The following CUL5 variants were observed in gnomAD, a reference collection of about 807,000 sequenced individuals.
The protein encoded by CUL5 is cullin 5, also known as cullin-5.
Under a neutral mutation model 108.8 loss-of-function variants are expected in CUL5, and 26 were observed. The observed-to-expected ratio is 0.24, with a 90% CI of 0.18 to 0.33. The LOEUF is 0.33. Ranked by LOEUF, CUL5 falls within the 10% of genes least tolerant of loss-of-function variation. The pLI is 1.00. For synonymous variants in CUL5, 334 were observed against 298.0 expected (o/e 1.12, Z -1.25); for missense variants, 524 against 909.2 (o/e 0.58, Z 5.45).
Position 108,098,539 on chromosome 11 carries a change from G to C in CUL5, c.2148+10G>C. ...AATACTAAGAACCCAGGTTTGTAAT[G>C]TTGACAGAATGTCTGAAGTTTAAAA... On this transcript the variant is annotated intron_variant, in intron 18 of 18. Coordinates refer to ENST00000393094, the MANE Select transcript of CUL5 (RefSeq NM_003478.6). 1 of 1,466,690 alleles carries C rather than the reference G, an allele frequency of 6.8e-7. No individual in the cohort carries two copies. Among genetic ancestry groups the C allele is most frequent in the Non-Finnish European group, 9.0e-7 (1 of 1,105,034 alleles). The allele number at this position is 1,466,690 out of a possible 1,614,324, so 90.9% of individuals were successfully genotyped here. A position where few individuals can be genotyped will look rare whatever the true frequency, so the allele number is the denominator to read the frequency against.
intron 7 of CUL5, among the ~76,000 whole-genome samples, chr11:108,062,244 A>G (rs558639114): frequency 6.6e-6 from 1 of 152,234 alleles, no homozygotes; most frequent in African/African-American, 2.4e-5. Flanking sequence ...ATCCTTGTGT[A>G]TACATCTTTT....
At chr11:108,067,020 T>TAGTAAGAAA (rs1326966728) in intron 7 of CUL5, among the ~76,000 whole-genome samples, 1 of 152,148 alleles carries the variant, frequency 6.6e-6, no homozygotes, top group African/African-American at 2.4e-5. Context: ...TCTACTTCTG[T>TAGTAAGAAA]AGTAAGAAAA....
At chr11:108,048,549 CT>C (rs1863122930) in intron 3 of CUL5, among the ~76,000 whole-genome samples, 1 of 151,308 alleles carries the variant, frequency 6.6e-6, no homozygotes, top group Non-Finnish European at 1.5e-5. Context: ...CATGGATAGA[CT>C]GAGAAATCTT....
At chr11:108,090,368 T>C (rs1222220820) in intron 13 of CUL5, among the ~76,000 whole-genome samples, 1 of 151,982 alleles carries the variant, frequency 6.6e-6, no homozygotes, top group Non-Finnish European at 1.5e-5. Context: ...GGGGGGCCTG[T>C]AGTCCCAGCT....
Position 108,056,055 on chromosome 11 carries a change from G to A in CUL5, c.780+1100G>A, listed in dbSNP as rs890647429. 4.6e-5 allele frequency among the ~76,000 whole-genome samples: 7 copies of A among 152,148 alleles called. No individual in the cohort carries two copies. In the East Asian group the frequency reaches 1.3e-3, roughly 29 times the overall value. ...CAGCCTCCCAAAATGCTGGGATTAT[G>A]GGCATGAGCCACAATACCTGGCCTC... On this transcript the variant is annotated intron_variant, in intron 7 of 18. Transcript: ENST00000393094.
chr11:108,097,675 T>C lies in CUL5; in HGVS notation c.1945T>C (p.Leu649=). Residue 649 remains leucine, a synonymous_variant, in exon 17 of 19, where the codon TTG becomes CTG. Coordinates refer to ENST00000393094, the MANE Select transcript of CUL5 (RefSeq NM_003478.6). ...AFPKLKRQVL[L]YEPQVNSPKD... is the part of the protein sequence containing the mutation. Reference sequence around the variant, plus strand: ...CCCAAAACTCAAACGGCAAGTTTTGTTGTATGAACCTCAAGTCAACTCACC... The same window carrying C: ...CCCAAAACTCAAACGGCAAGTTTTGCTGTATGAACCTCAAGTCAACTCACC... 1 of 1,613,690 alleles carries C rather than the reference T, an allele frequency of 6.2e-7. No homozygotes were observed. Among genetic ancestry groups the C allele is most frequent in the South Asian group, 1.1e-5 (1 of 91,056 alleles).
At chr11:108,041,927 C>T (rs1591291929) in intron 2 of CUL5, among the ~76,000 whole-genome samples, 2 of 152,206 alleles carry the variant, frequency 1.3e-5, no homozygotes, top group South Asian at 4.2e-4. Context: ...AAACTAACAC[C>T]AGTCAATGTG....
rs1046307177 is a variant in CUL5 at position 108,105,653 on chromosome 11, G to A, written c.*1269G>A. ...TGGCAACTGAATACCCAGAGTAGTGGAAATTTTAGGACTTGAGGACGTGAA... is the reference window on the plus strand; with the variant it reads ...TGGCAACTGAATACCCAGAGTAGTGAAAATTTTAGGACTTGAGGACGTGAA... On this transcript the variant is annotated 3_prime_UTR_variant, in exon 19 of 19. Transcript: ENST00000393094. 1 of 152,128 alleles carries A rather than the reference G, an allele frequency of 6.6e-6. No homozygotes were observed. Among genetic ancestry groups the A allele is most frequent in the Non-Finnish European group, 1.5e-5 (1 of 67,998 alleles). 9.4% of individuals were successfully genotyped at this position (152,128 alleles called of 1,614,324 possible).
chr11:108,019,405 A>G (rs1412459875), intron 1 of CUL5, among the ~76,000 whole-genome samples: 1 of 152,184 alleles, frequency 6.6e-6, no homozygotes, highest in African/African-American at 2.4e-5. Flanking sequence ...GAATTATCTA[A>G]AATACGACAA....
chr11:108,020,306 G>A (rs545180908), intron 1 of CUL5, among the ~76,000 whole-genome samples: 31 of 152,310 alleles, frequency 2.0e-4, no homozygotes, highest in African/African-American at 7.0e-4. Context: ...CATAGGAGAT[G>A]ACAGCCCCAT....
intron 1 of CUL5, among the ~76,000 whole-genome samples, chr11:108,019,217 G>A (rs560074272): frequency 2.0e-5 from 3 of 148,986 alleles, no homozygotes; most frequent in African/African-American, 7.4e-5. Context: ...GGTGGGGTGG[G>A]GTGGATCCTG....
intron 1 of CUL5, among the ~76,000 whole-genome samples, chr11:108,020,363 G>A (rs1862298578): frequency 6.6e-6 from 1 of 152,290 alleles, no homozygotes; most frequent in Admixed American, 6.5e-5. Context: ...AGATGTGAAG[G>A]TTGAAGACAG....
rs1864576703 is a variant in CUL5 at position 108,099,114 on chromosome 11, C to T, written c.2148+585C>T. ...CAACTCCCTGGGCTCAAAGGATCCT[C>T]CCACCTCTGCCTCCGGATTAGCTGG... On this transcript the variant is annotated intron_variant, in intron 18 of 18. Transcript: ENST00000393094. 4.0e-5 allele frequency among the ~76,000 whole-genome samples: 6 copies of T among 151,312 alleles called. No individual in the cohort carries two copies. In the South Asian group the frequency reaches 1.2e-3, roughly 31 times the overall value.
intron 1 of CUL5, among the ~76,000 whole-genome samples, chr11:108,032,363 C>G (rs187012844): frequency 6.6e-6 from 1 of 152,144 alleles, no homozygotes; most frequent in East Asian, 1.9e-4. Flanking sequence ...CAACAATTAG[C>G]TGGGCATGGT....
At position 108,075,448 on chromosome 11, in the gene CUL5, G is replaced by A. The variant is rs187980166; in HGVS notation, c.1113+1951G>A. On this transcript the variant is annotated intron_variant, in intron 10 of 18. Coordinates refer to ENST00000393094, the MANE Select transcript of CUL5 (RefSeq NM_003478.6). ...TTGGGTGCATGTGCAGATACTAATA[G>A]TGGGAAAAGTATAAGGGATGTGGGA... Among the ~76,000 whole-genome samples, 3 of 152,300 alleles carry A rather than the reference G, an allele frequency of 2.0e-5. No homozygotes were observed. The East Asian group carries it at 5.8e-4, about 29-fold the overall frequency.
At chr11:108,059,539 G>A (rs527723759) in intron 7 of CUL5, among the ~76,000 whole-genome samples, 1 of 152,174 alleles carries the variant, frequency 6.6e-6, no homozygotes, top group East Asian at 1.9e-4. Context: ...AGCTGTCTGC[G>A]TTTTGGCAAG....
intron 11 of CUL5, among the ~76,000 whole-genome samples, chr11:108,086,993 T>G (rs1380003081): frequency 6.6e-6 from 1 of 152,210 alleles, no homozygotes; most frequent in Non-Finnish European, 1.5e-5. Flanking sequence ...ATTCCTCACC[T>G]AACTGGTAGA....
chr11:108,078,918 T>C (rs767134834), intron 11 of CUL5, among the ~76,000 whole-genome samples: 1 of 152,148 alleles, frequency 6.6e-6, no homozygotes, highest in Non-Finnish European at 1.5e-5. Context: ...TTGAGTAATA[T>C]TACAGTGGAA....
chr11:108,048,927 A>C (rs570302521), intron 3 of CUL5, among the ~76,000 whole-genome samples: 75 of 152,054 alleles, frequency 4.9e-4, no homozygotes, highest in African/African-American at 1.7e-3. Context: ...AGCCTCCCAA[A>C]GTGCTGGGAT....
Sources: gnomAD v4.1 joint callset for allele counts (sites outside exome capture counted in the v4.1 genomes callset) on GRCh38, gnomAD v4.1.1 for gene constraint, MANE v1.5 for transcripts, NCBI Gene and HGNC (gene_info 2026-07-23, HGNC 2026-07-21) for gene names.